Variants in NGEF observed in about 807,000 individuals in gnomAD.
NGEF encodes the protein ephexin-1.
NGEF carries 31 observed loss-of-function variants against 80.9 expected under a neutral mutation model. That is an observed-to-expected ratio of 0.38 (90% CI 0.29 to 0.52). The LOEUF is 0.52. Ranked by LOEUF, NGEF falls within the 20% of genes least tolerant of loss-of-function variation. NGEF has a pLI of 0.84. For synonymous variants in NGEF, 371 were observed against 370.2 expected (o/e 1.00, Z -0.03); for missense variants, 709 against 926.2 (o/e 0.77, Z 3.04).
At chr2:232,888,222 G>T in intron 8 of NGEF, 115 bp from the exon 9 acceptor site, 1 of 643,742 alleles carries the variant, frequency 1.6e-6, no homozygotes. Context: ...GCTGCAGCAT[G>T]CACACACACA....
chr2:233,010,186 C>T (rs1695172533), intron 1 of NGEF, among the ~76,000 whole-genome samples: 1 of 152,182 alleles, frequency 6.6e-6, no homozygotes, highest in Non-Finnish European at 1.5e-5. Flanking sequence ...AGCCAGCACG[C>T]CCAGCTGGCA....
chr2:232,983,328 A>G (rs945227461), intron 1 of NGEF, among the ~76,000 whole-genome samples: 3 of 152,024 alleles, frequency 2.0e-5, no homozygotes, highest in Non-Finnish European at 4.4e-5. Flanking sequence ...CGGGAGGTAG[A>G]GAGGAGGGTC....
chr2:232,992,157 T>C (rs1289737610), intron 1 of NGEF, among the ~76,000 whole-genome samples: 1 of 152,154 alleles, frequency 6.6e-6, no homozygotes, highest in Non-Finnish European at 1.5e-5. Flanking sequence ...GACATTGGCA[T>C]AGGTAATGGT....
rs143001761 is a variant in NGEF at position 232,920,538 on chromosome 2, C to T, written c.574G>A (p.Glu192Lys). 8.4e-6 allele frequency: 13 copies of T among 1,556,372 alleles called. No homozygotes were observed. The highest frequency in any genetic ancestry group is 2.4e-5 in the South Asian group (2 of 82,330). The part of the protein sequence containing the change: ...YRDKSTLQEI[E>K]TRRQQDAEIE... Reference sequence around the variant, plus strand: ...TCTGCATCCTGTTGCCTCCTGGTTTCGATTTCTTGGAGAGTCGATTTATCT... The same window carrying T: ...TCTGCATCCTGTTGCCTCCTGGTTTTGATTTCTTGGAGAGTCGATTTATCT... Residue 192 changes from glutamate (E) to lysine (K), a missense_variant, in exon 5 of 15, where the codon GAA (glutamate) becomes AAA (lysine). This residue lies in a region of NGEF where 283 missense variants were observed against 303.4 expected (regional missense o/e 0.93). Coordinates refer to ENST00000264051, the MANE Select transcript of NGEF (RefSeq NM_019850.3).
chr2:232,926,645 T>G (rs1325523926), intron 4 of NGEF, among the ~76,000 whole-genome samples: 2 of 152,138 alleles, frequency 1.3e-5, no homozygotes, highest in African/African-American at 2.4e-5. Context: ...AGCCCAACTC[T>G]GCTCCCAACA....
At chr2:232,924,760 G>T (rs1083514) in intron 4 of NGEF, among the ~76,000 whole-genome samples, 65,601 of 151,582 alleles carry the variant, frequency 0.43, 14,228 homozygotes, top group Admixed American at 0.46. Context: ...TTGCTTAAGA[G>T]CACTTTTTGT....
chr2:233,004,446 G>C (rs1439085321), intron 1 of NGEF, among the ~76,000 whole-genome samples: 2 of 152,202 alleles, frequency 1.3e-5, no homozygotes, highest in Non-Finnish European at 2.9e-5. Context: ...ACTCCAGGCT[G>C]ATCTGGGCTA....
intron 3 of NGEF, among the ~76,000 whole-genome samples, chr2:232,963,274 G>A (rs563250904): frequency 2.0e-5 from 3 of 151,884 alleles, no homozygotes; most frequent in Admixed American, 6.6e-5. Context: ...TTTGAAAAAA[G>A]TACCAATGCA....
intron 5 of NGEF, among the ~76,000 whole-genome samples, chr2:232,899,625 CTCACAG>C (rs1362185260): frequency 6.8e-6 from 1 of 147,452 alleles, no homozygotes; most frequent in African/African-American, 2.5e-5. Flanking sequence ...CACACATGCT[CTCACAG>C]TCACTCATAT....
chr2:232,944,705 C>T (rs1377584923), intron 3 of NGEF, among the ~76,000 whole-genome samples: 1 of 134,886 alleles, frequency 7.4e-6, no homozygotes, highest in African/African-American at 2.8e-5. Context: ...CAGAGTTGGG[C>T]TAGGGGATAA....
chr2:232,904,719 G>A (rs1378864323), intron 5 of NGEF, among the ~76,000 whole-genome samples: 1 of 152,170 alleles, frequency 6.6e-6, no homozygotes, highest in African/African-American at 2.4e-5. Context: ...TGAGGCAGGA[G>A]GATTGCTTGA....
At chr2:232,992,078 AAAAT>A (rs1484488818) in intron 1 of NGEF, among the ~76,000 whole-genome samples, 8 of 152,236 alleles carry the variant, frequency 5.3e-5, no homozygotes, top group Non-Finnish European at 1.2e-4. Context: ...AGATTAACTC[AAAAT>A]AAATAAAAAA....
rs1695246836 is a variant in NGEF at position 233,013,057 on chromosome 2, C to A, written c.-75+11G>T. On this transcript the variant is annotated intron_variant, in intron 1 of 14. Coordinates refer to ENST00000264051, the MANE Select transcript of NGEF (RefSeq NM_019850.3). Reference sequence around the variant, plus strand: ...TTATTTTTTTAAAAAATACCAAAACCATTCTCTCACCTGCCAGAGAGGAGC... The same window carrying A: ...TTATTTTTTTAAAAAATACCAAAACAATTCTCTCACCTGCCAGAGAGGAGC... 2 of 464,514 alleles carry A rather than the reference C, an allele frequency of 4.3e-6. No individual in the cohort carries two copies. Among genetic ancestry groups the A allele is most frequent in the African/African-American group, 2.0e-5 (1 of 49,604 alleles). 28.8% of individuals were successfully genotyped at this position (464,514 alleles called of 1,614,324 possible).
At chr2:232,918,145 A>G (rs1692850960) in intron 5 of NGEF, among the ~76,000 whole-genome samples, 1 of 152,128 alleles carries the variant, frequency 6.6e-6, no homozygotes, top group South Asian at 2.1e-4. Context: ...TTTAGTAAAT[A>G]CGGGGTTTCA....
At chr2:232,953,712 G>A (rs1693733643) in intron 3 of NGEF, among the ~76,000 whole-genome samples, 1 of 152,092 alleles carries the variant, frequency 6.6e-6, no homozygotes, top group South Asian at 2.1e-4. Context: ...CATAACTGAG[G>A]TGACTGGGGC....
chr2:232,954,818 G>A (rs1189852421), intron 3 of NGEF, among the ~76,000 whole-genome samples: 1 of 151,906 alleles, frequency 6.6e-6, no homozygotes, highest in Non-Finnish European at 1.5e-5. Flanking sequence ...CTTTGCAGAA[G>A]AAGCTAAATG....
At chr2:232,948,336 G>A (rs1043541131) in intron 3 of NGEF, among the ~76,000 whole-genome samples, 2 of 151,974 alleles carry the variant, frequency 1.3e-5, no homozygotes, top group African/African-American at 2.4e-5. Flanking sequence ...GATTACAGGC[G>A]CCCGCCACCA....
Position 232,906,058 on chromosome 2 carries a change from C to T in NGEF, c.829-11142G>A, listed in dbSNP as rs1158209680. Among the ~76,000 whole-genome samples, 7 of 131,794 alleles carry T rather than the reference C, an allele frequency of 5.3e-5. No homozygotes were observed. The South Asian group carries it at 9.8e-4, about 18-fold the overall frequency. 86.5% of individuals were successfully genotyped at this position (131,794 alleles called of 152,430 possible). A position where few individuals can be genotyped will look rare whatever the true frequency, so the allele number is the denominator to read the frequency against. On this transcript the variant is annotated intron_variant, in intron 5 of 14. Transcript: ENST00000264051. ...CCCCCGCCCGGCCAGCCGCCCCGTC[C>T]GGGAGGGAGGTGAGGGGGTCAGCCC...
chr2:232,879,943 G>A (rs1349310913), intron 14 of NGEF, among the ~76,000 whole-genome samples: 3 of 151,980 alleles, frequency 2.0e-5, no homozygotes, highest in South Asian at 2.1e-4. Flanking sequence ...ACCCACTCTG[G>A]GACCCTCAGC....
Sources: allele counts gnomAD v4.1 joint callset (sites outside exome capture counted in the v4.1 genomes callset), GRCh38; gene constraint gnomAD v4.1.1; regional missense constraint gnomAD v4.1.1; transcripts MANE v1.5; gene names NCBI Gene and HGNC (gene_info 2026-07-23, HGNC 2026-07-21).